The following ERH variants were observed in gnomAD, a reference collection of about 807,000 sequenced individuals.
ERH encodes the protein ERH mRNA splicing and mitosis factor.
ERH carries 1 observed loss-of-function variant against 16.8 expected under a neutral mutation model. The ratio of observed to expected loss-of-function variants is 0.06; its 90% confidence interval spans 0.02 to 0.28. ERH has a LOEUF of 0.28. Among genes scored for constraint, ERH ranks in the 10% least tolerant of loss-of-function variants. ERH has a pLI of 1.00. For synonymous variants in ERH, 43 were observed against 43.6 expected (o/e 0.99, Z 0.05); for missense variants, 42 against 127.5 (o/e 0.33, Z 3.23).
At chr14:69,384,772 T>C (rs2045881701) in intron 3 of ERH, among the ~76,000 whole-genome samples, 1 of 152,226 alleles carries the variant, frequency 6.6e-6, no homozygotes, top group African/African-American at 2.4e-5. Context: ...GTACCAGAGA[T>C]GCAGCAGTGA....
chr14:69,395,273 G>A (rs193171914), intron 1 of ERH, among the ~76,000 whole-genome samples: 15 of 152,150 alleles, frequency 9.9e-5, no homozygotes, highest in South Asian at 2.1e-4. Flanking sequence ...CCATTGCATC[G>A]GAGAGTGAGG....
intron 2 of ERH, among the ~76,000 whole-genome samples, chr14:69,388,455 G>A (rs2045905740): frequency 6.6e-6 from 1 of 151,942 alleles, no homozygotes; most frequent in Non-Finnish European, 1.5e-5. Context: ...CCGCCTCCTG[G>A]GTTCAAGCGA....
At chr14:69,397,565 G>C (rs1027672137) in intron 1 of ERH, among the ~76,000 whole-genome samples, 1 of 149,934 alleles carries the variant, frequency 6.7e-6, no homozygotes, top group Non-Finnish European at 1.5e-5. Context: ...TCAGCTTCGA[G>C]AATAGTTAGA....
Position 69,392,220 on chromosome 14 carries a change from AAAG to A in ERH, c.91+2602_91+2604del, listed in dbSNP as rs1025181802. 2.0e-4 allele frequency among the ~76,000 whole-genome samples: 31 copies of A among 152,198 alleles called. 1 individual carries two copies. Among genetic ancestry groups the A allele is most frequent in the Middle Eastern group, 3.4e-3 (1 of 294 alleles). ...AATATTTACTACAAGAAAAAAAAAA[AAAG>A]AATAATAAAATTACCATTTGGCAAC... On this transcript the variant is annotated intron_variant, in intron 2 of 3. Transcript: ENST00000557016.
chr14:69,392,664 T>C (rs574505918), intron 2 of ERH, among the ~76,000 whole-genome samples: 1 of 152,346 alleles, frequency 6.6e-6, no homozygotes, highest in Non-Finnish European at 1.5e-5. Flanking sequence ...GAATGAAACC[T>C]AGTATGAACT....
intron 2 of ERH, among the ~76,000 whole-genome samples, chr14:69,394,060 C>CATATATCT (rs1344769559): frequency 6.6e-6 from 1 of 151,462 alleles, no homozygotes; most frequent in Non-Finnish European, 1.5e-5. Flanking sequence ...ACTACTATGC[C>CATATATCT]ATATATCTAT....
chr14:69,393,942 G>A lies in ERH; in HGVS notation c.91+883C>T, dbSNP rs116153960. On this transcript the variant is annotated intron_variant, in intron 2 of 3. Coordinates refer to ENST00000557016, the MANE Select transcript of ERH (RefSeq NM_004450.3). ...AGGCTGAGGCAGGAGGACTGCTTGA[G>A]CCCAGGAAACTGAGACTGCAATAAG... Among the ~76,000 whole-genome samples, 477 of 151,642 alleles carry A rather than the reference G, an allele frequency of 3.1e-3. 4 individuals carry two copies. The highest frequency in any genetic ancestry group is 0.011 in the African/African-American group (463 of 41,318).
intron 1 of ERH, 51 bp downstream of exon 1, chr14:69,398,180 G>A (rs374624154): frequency 6.2e-7 from 1 of 1,611,890 alleles, no homozygotes; most frequent in African/African-American, 1.3e-5. Context: ...GGCTGGGGTC[G>A]CTCTGGAGGC....
At chr14:69,391,239 A>G (rs962221369) in intron 2 of ERH, among the ~76,000 whole-genome samples, 1 of 152,234 alleles carries the variant, frequency 6.6e-6, no homozygotes, top group Admixed American at 6.5e-5. Flanking sequence ...ATGCTCTTCA[A>G]TAAGTGAATG....
chr14:69,397,627 T>C (rs1882384086), intron 1 of ERH, among the ~76,000 whole-genome samples: 1 of 152,096 alleles, frequency 6.6e-6, no homozygotes, highest in South Asian at 2.1e-4. Flanking sequence ...GAGGGAAAAA[T>C]ACCATATCCG....
At chr14:69,389,788 T>C (rs1235574489) in intron 2 of ERH, among the ~76,000 whole-genome samples, 1 of 152,172 alleles carries the variant, frequency 6.6e-6, no homozygotes, top group Non-Finnish European at 1.5e-5. Context: ...TTTCTTTCCC[T>C]TGAGACACAG....
intron 2 of ERH, among the ~76,000 whole-genome samples, chr14:69,388,658 G>A (rs891687662): frequency 2.0e-5 from 3 of 152,046 alleles, no homozygotes; most frequent in Admixed American, 2.0e-4. Context: ...CATCGTGCCC[G>A]GCCTGATACT....
intron 3 of ERH, among the ~76,000 whole-genome samples, chr14:69,384,027 T>C (rs1594886373): frequency 6.6e-6 from 1 of 152,150 alleles, no homozygotes; most frequent in Non-Finnish European, 1.5e-5. Flanking sequence ...AGAAAAGTTA[T>C]GTTATGTCAT....
At chr14:69,397,777 G>A (rs1383292835) in intron 1 of ERH, among the ~76,000 whole-genome samples, 1 of 152,196 alleles carries the variant, frequency 6.6e-6, no homozygotes. Flanking sequence ...AATTAGCCGA[G>A]CGAGGTGGCG....
chr14:69,386,785 C>T, intron 3 of ERH, 178 bp downstream of exon 3: 4 of 515,672 alleles, frequency 7.8e-6, no homozygotes, highest in African/African-American at 3.9e-5. Context: ...TTTTCTGTGC[C>T]TTTGGCTTTA....
intron 2 of ERH, among the ~76,000 whole-genome samples, chr14:69,393,036 G>T (rs1395633893): frequency 6.6e-6 from 1 of 152,202 alleles, no homozygotes. Context: ...AGAGTAGATG[G>T]CCTGGAGTGG....
intron 1 of ERH, among the ~76,000 whole-genome samples, chr14:69,397,106 G>A (rs1381051870): frequency 1.3e-5 from 2 of 152,208 alleles, no homozygotes; most frequent in South Asian, 2.1e-4. Flanking sequence ...ATGAACACCG[G>A]GCAAAGTTTA....
At chr14:69,390,288 T>C (rs1018003717) in intron 2 of ERH, among the ~76,000 whole-genome samples, 32 of 152,020 alleles carry the variant, frequency 2.1e-4, no homozygotes, top group Non-Finnish European at 8.8e-5. Flanking sequence ...ACTGGAGGAT[T>C]CAAACTTCCT....
intron 2 of ERH, among the ~76,000 whole-genome samples, chr14:69,391,120 T>G (rs572760798): frequency 2.0e-5 from 3 of 152,244 alleles, no homozygotes; most frequent in Admixed American, 6.5e-5. Context: ...GCAATCACTC[T>G]CCTACGTATT....
Sources: allele counts gnomAD v4.1 joint callset (sites outside exome capture counted in the v4.1 genomes callset), GRCh38; gene constraint gnomAD v4.1.1; transcripts MANE v1.5; gene names NCBI Gene and HGNC (gene_info 2026-07-23, HGNC 2026-07-21).